Variants in GAB2 observed in about 807,000 individuals in gnomAD.
The protein encoded by GAB2 is GRB2 associated binding protein 2.
Under a neutral mutation model 65.5 loss-of-function variants are expected in GAB2, and 26 were observed. The ratio of observed to expected loss-of-function variants is 0.40; its 90% confidence interval spans 0.29 to 0.55. The LOEUF is 0.55. Ranked by LOEUF, GAB2 falls within the 20% of genes least tolerant of loss-of-function variation. The pLI, the probability that GAB2 is intolerant of heterozygous loss-of-function variation, is 0.53. For missense variants in GAB2, 884 were observed against 875.8 expected, an observed-to-expected ratio of 1.01 and a Z score of -0.12; for synonymous variants, 321 against 329.6, an observed-to-expected ratio of 0.97 and a Z score of 0.28.
At chr11:78,382,618 T>C (rs115499025) in intron 1 of GAB2, among the ~76,000 whole-genome samples, 1,624 of 152,278 alleles carry the variant, frequency 0.011, 27 homozygotes, top group African/African-American at 0.037. Context: ...TATTGCATAG[T>C]ACTGCACATA....
intron 1 of GAB2, among the ~76,000 whole-genome samples, chr11:78,405,812 C>T (rs778483115): frequency 1.6e-4 from 24 of 152,144 alleles, no homozygotes; most frequent in Admixed American, 9.8e-4. Context: ...CTGAAGCAGT[C>T]AGCATGGCAG....
chr11:78,338,627 C>A (rs1431748614), intron 1 of GAB2, among the ~76,000 whole-genome samples: 11 of 152,124 alleles, frequency 7.2e-5, no homozygotes, highest in African/African-American at 2.7e-4. Flanking sequence ...GAATTCAATC[C>A]CATTTCTGAC....
intron 1 of GAB2, among the ~76,000 whole-genome samples, chr11:78,403,425 T>C (rs914193960): frequency 1.3e-5 from 2 of 152,216 alleles, no homozygotes; most frequent in Non-Finnish European, 2.9e-5. Context: ...AGAAATTATC[T>C]AGCTATGCTA....
chr11:78,235,418 C>T (rs1864956547), intron 3 of GAB2, among the ~76,000 whole-genome samples: 1 of 152,140 alleles, frequency 6.6e-6, no homozygotes, highest in Non-Finnish European at 1.5e-5. Flanking sequence ...TCCCAAAGTG[C>T]TTGGATTACA....
intron 1 of GAB2, among the ~76,000 whole-genome samples, chr11:78,351,818 G>GA (rs1205643383): frequency 1.3e-5 from 2 of 152,148 alleles, no homozygotes; most frequent in African/African-American, 4.8e-5. Context: ...ACTGGTGAGA[G>GA]AAAAGAATAA....
chr11:78,268,328 G>C (rs1214868010), intron 2 of GAB2, among the ~76,000 whole-genome samples: 1 of 152,188 alleles, frequency 6.6e-6, no homozygotes, highest in Non-Finnish European at 1.5e-5. Flanking sequence ...CCTAGAGAGA[G>C]AAGACTGTAT....
At position 78,407,638 on chromosome 11, in the gene GAB2, AAAGAAAGAAAGAAAGAAAGT is replaced by A. The variant is rs1467345543; in HGVS notation, c.75+9988_75+10007del. On this transcript the variant is annotated intron_variant, in intron 1 of 9. Coordinates refer to ENST00000361507, the MANE Select transcript of GAB2 (RefSeq NM_080491.3). Reference sequence around the variant, plus strand: ...ACAAGAGTGAAACTCCTTCTCAAAGAAAGAAAGAAAGAAAGAAAGTAAGAAAGAAAGAAAGAAAGAAAGAA... The same window carrying A: ...ACAAGAGTGAAACTCCTTCTCAAAGAAAGAAAGAAAGAAAGAAAGAAAGAA... Among the ~76,000 whole-genome samples, 7 of 120,068 alleles carry A rather than the reference AAAGAAAGAAAGAAAGAAAGT, an allele frequency of 5.8e-5. No homozygotes were observed. The South Asian group carries it at 1.3e-3, about 22-fold the overall frequency. The allele number at this position is 120,068 out of a possible 152,430, so 78.8% of individuals were successfully genotyped here. A position where few individuals can be genotyped will look rare whatever the true frequency, so the allele number is the denominator to read the frequency against.
chr11:78,356,424 A>T (rs1856360328), intron 1 of GAB2, among the ~76,000 whole-genome samples: 1 of 152,214 alleles, frequency 6.6e-6, no homozygotes, highest in South Asian at 2.1e-4. Context: ...AAGGAAAAAA[A>T]TATTACCTAT....
At chr11:78,286,560 T>C (rs1345085122) in intron 1 of GAB2, among the ~76,000 whole-genome samples, 1 of 152,136 alleles carries the variant, frequency 6.6e-6, no homozygotes, top group African/African-American at 2.4e-5. Flanking sequence ...TTAACACATA[T>C]AGGAGCTCAG....
intron 1 of GAB2, among the ~76,000 whole-genome samples, chr11:78,355,641 C>T (rs1223166846): frequency 7.3e-6 from 1 of 136,844 alleles, no homozygotes; most frequent in African/African-American, 2.8e-5. Flanking sequence ...TGCGCCACCG[C>T]TCTTCAGCCT....
intron 1 of GAB2, among the ~76,000 whole-genome samples, chr11:78,350,550 C>A (rs140432909): frequency 6.6e-6 from 1 of 152,124 alleles, no homozygotes; most frequent in Non-Finnish European, 1.5e-5. Context: ...TAAAGCCAGG[C>A]GACTTTTCAT....
At chr11:78,267,396 C>T (rs1205005075) in intron 2 of GAB2, among the ~76,000 whole-genome samples, 1 of 152,222 alleles carries the variant, frequency 6.6e-6, no homozygotes, top group Non-Finnish European at 1.5e-5. Flanking sequence ...CCAGACTCTT[C>T]CATTTCATGG....
At chr11:78,398,408 A>C (rs985547504) in intron 1 of GAB2, among the ~76,000 whole-genome samples, 4 of 152,230 alleles carry the variant, frequency 2.6e-5, no homozygotes, top group African/African-American at 9.6e-5. Flanking sequence ...GGTGTGGTAC[A>C]TTCACTTACG....
At chr11:78,340,075 G>C (rs1174058968) in intron 1 of GAB2, among the ~76,000 whole-genome samples, 1 of 152,190 alleles carries the variant, frequency 6.6e-6, no homozygotes, top group African/African-American at 2.4e-5. Context: ...AAGCAGTTGT[G>C]TTGACCATCT....
chr11:78,409,256 C>A (rs1390461762), intron 1 of GAB2, among the ~76,000 whole-genome samples: 1 of 152,078 alleles, frequency 6.6e-6, no homozygotes, highest in Admixed American at 6.6e-5. Context: ...AGGGTCATGC[C>A]ACCAAGAAGA....
intron 2 of GAB2, among the ~76,000 whole-genome samples, chr11:78,259,806 C>G (rs1356565226): frequency 6.6e-6 from 1 of 152,142 alleles, no homozygotes; most frequent in South Asian, 2.1e-4. Context: ...CAAGGCCACA[C>G]AGAAGGTCAG....
intron 1 of GAB2, among the ~76,000 whole-genome samples, chr11:78,353,312 G>A (rs1245663545): frequency 1.3e-5 from 2 of 152,142 alleles, no homozygotes; most frequent in Admixed American, 6.5e-5. Flanking sequence ...ATGGTGGTGT[G>A]TACCTGTAAT....
intron 1 of GAB2, among the ~76,000 whole-genome samples, chr11:78,365,126 G>T (rs58080787): frequency 0.043 from 6,614 of 152,210 alleles, 439 homozygotes; most frequent in African/African-American, 0.14. Flanking sequence ...CCCTTCCACT[G>T]TTATGAAACA....
chr11:78,262,934 C>T (rs2511158), intron 2 of GAB2, among the ~76,000 whole-genome samples: 23,735 of 152,218 alleles, frequency 0.16, 2,389 homozygotes, highest in East Asian at 0.4. Context: ...GCTGTATCAA[C>T]TTATTTACAT....
Sources: gnomAD v4.1 joint callset for allele counts (sites outside exome capture counted in the v4.1 genomes callset) on GRCh38, gnomAD v4.1.1 for gene constraint, MANE v1.5 for transcripts, NCBI Gene and HGNC (gene_info 2026-07-23, HGNC 2026-07-21) for gene names.